The following IFT80 variants were observed in gnomAD, a reference collection of about 807,000 sequenced individuals.
IFT80 encodes the protein intraflagellar transport protein 80 homolog.
Under a neutral mutation model 107.9 loss-of-function variants are expected in IFT80, and 79 were observed. That is an observed-to-expected ratio of 0.73 (90% CI 0.61 to 0.88). IFT80 has a LOEUF of 0.88. Ranked by LOEUF, IFT80 falls within the 40% of genes least tolerant of loss-of-function variation. The pLI is 0.00. For missense variants in IFT80, 797 were observed against 914.2 expected (o/e 0.87, Z 1.65); for synonymous variants, 299 against 300.9 (o/e 0.99, Z 0.07).
At chr3:160,331,033 A>G (rs1719050941) in intron 8 of IFT80, among the ~76,000 whole-genome samples, 1 of 152,146 alleles carries the variant, frequency 6.6e-6, no homozygotes, top group Admixed American at 6.5e-5. Flanking sequence ...CATTTTTACC[A>G]TAGATGTTAG....
intron 19 of IFT80, among the ~76,000 whole-genome samples, chr3:160,264,282 T>A (rs1222634250): frequency 6.7e-6 from 1 of 149,644 alleles, no homozygotes; most frequent in Non-Finnish European, 1.5e-5. Flanking sequence ...GTTACTTTTT[T>A]TTTTTGGTAG....
intron 8 of IFT80, among the ~76,000 whole-genome samples, chr3:160,354,856 C>G (rs1021304774): frequency 1.3e-5 from 2 of 152,028 alleles, no homozygotes; most frequent in African/African-American, 2.4e-5. Flanking sequence ...TTTTATGGCA[C>G]CAGGTTTCAA....
At chr3:160,328,406 G>T (rs1377264975) in intron 8 of IFT80, among the ~76,000 whole-genome samples, 1 of 142,296 alleles carries the variant, frequency 7.0e-6, no homozygotes, top group Admixed American at 7.3e-5. Context: ...AGGTTGCAGT[G>T]AGCAGAGATC....
chr3:160,302,009 G>A (rs1324199976), intron 11 of IFT80, among the ~76,000 whole-genome samples: 1 of 151,954 alleles, frequency 6.6e-6, no homozygotes, highest in African/African-American at 2.4e-5. Flanking sequence ...CTGGATTAAA[G>A]ACCATACATT....
intron 12 of IFT80, among the ~76,000 whole-genome samples, chr3:160,295,647 T>C (rs756317333): frequency 2.0e-5 from 3 of 151,818 alleles, no homozygotes; most frequent in Non-Finnish European, 4.4e-5. Flanking sequence ...CACATCTGAG[T>C]GTTTATCTGA....
At chr3:160,386,996 G>C (rs934379310) in intron 1 of IFT80, among the ~76,000 whole-genome samples, 1 of 152,138 alleles carries the variant, frequency 6.6e-6, no homozygotes, top group Non-Finnish European at 1.5e-5. Context: ...TTAAATGGAT[G>C]CAATGGATGG....
rs185643669 is a variant in IFT80 at position 160,298,578 on chromosome 3, T to C, written c.1315+2305A>G. 6.4e-3 allele frequency among the ~76,000 whole-genome samples: 970 copies of C among 151,582 alleles called. 25 individuals are homozygous for C. The highest frequency in any genetic ancestry group is 0.046 in the Admixed American group (702 of 15,284). ...TAATGAAATATGTTCCAGATGTGAATTAACTCCAGAAAATTTCAGAAAATT... is the reference window on the plus strand; with the variant it reads ...TAATGAAATATGTTCCAGATGTGAACTAACTCCAGAAAATTTCAGAAAATT... On this transcript the variant is annotated intron_variant, in intron 12 of 19. Transcript: ENST00000326448.
At position 160,283,869 on chromosome 3, in the gene IFT80, T is replaced by C. The variant is rs146871309; in HGVS notation, c.1381-1256A>G. 2.3e-3 allele frequency among the ~76,000 whole-genome samples: 351 copies of C among 152,306 alleles called. 3 individuals are homozygous for C. Among genetic ancestry groups the C allele is most frequent in the African/African-American group, 7.8e-3 (324 of 41,584 alleles). On this transcript the variant is annotated intron_variant, in intron 13 of 19. Transcript: ENST00000326448. ...CTTGTCAAGTCCTACCACCTCCACA[T>C]AGGTTCTATTCCTCCTGGGTTACTC...
chr3:160,281,847 G>C (rs893837163), intron 14 of IFT80, among the ~76,000 whole-genome samples: 1 of 152,156 alleles, frequency 6.6e-6, no homozygotes, highest in Non-Finnish European at 1.5e-5. Flanking sequence ...AAGAATTAGG[G>C]CAGAAGGGTT....
chr3:160,268,638 T>C, intron 18 of IFT80, 102 bp from the exon 19 acceptor site: 1 of 1,100,346 alleles, frequency 9.1e-7, no homozygotes, highest in Non-Finnish European at 1.4e-6. Context: ...CTTCCCTCTG[T>C]TTATTCCACA....
At chr3:160,347,735 T>C (rs1487836807) in intron 8 of IFT80, among the ~76,000 whole-genome samples, 1 of 152,196 alleles carries the variant, frequency 6.6e-6, no homozygotes, top group Non-Finnish European at 1.5e-5. Flanking sequence ...ACATGATCCT[T>C]CTTCTCCATT....
intron 7 of IFT80, among the ~76,000 whole-genome samples, chr3:160,356,634 C>CT (rs1158807255): frequency 1.3e-5 from 2 of 152,156 alleles, no homozygotes; most frequent in African/African-American, 4.8e-5. Flanking sequence ...GATCTTCCTG[C>CT]TTTAGCCTTC....
intron 5 of IFT80, among the ~76,000 whole-genome samples, chr3:160,371,698 C>T (rs1711541544): frequency 6.6e-6 from 1 of 152,140 alleles, no homozygotes; most frequent in Non-Finnish European, 1.5e-5. Context: ...CCACTTCAGC[C>T]TCTCAAGTGT....
At chr3:160,276,809 C>T (rs1714302243) in intron 18 of IFT80, among the ~76,000 whole-genome samples, 1 of 152,206 alleles carries the variant, frequency 6.6e-6, no homozygotes, top group Non-Finnish European at 1.5e-5. Flanking sequence ...TTTCATCCAT[C>T]TCATAATGTA....
chr3:160,299,030 TC>T lies in IFT80; in HGVS notation c.1315+1852del, dbSNP rs1021072810. 9.9e-5 allele frequency: 69 copies of T among 699,512 alleles called. No individual in the cohort carries two copies. The African/African-American group carries it at 1.3e-3, about 13-fold the overall frequency. 43.3% of individuals were successfully genotyped at this position (699,512 alleles called of 1,614,324 possible). A position where few individuals can be genotyped will look rare whatever the true frequency, so the allele number is the denominator to read the frequency against. ...TGACTGTACTTTATTAAAGCTTTTA[TC>T]TAAAATATGTGGTGTTGAATAAGGA... On this transcript the variant is annotated intron_variant, in intron 12 of 19. Coordinates refer to ENST00000326448, the MANE Select transcript of IFT80 (RefSeq NM_020800.3).
intron 18 of IFT80, among the ~76,000 whole-genome samples, chr3:160,275,765 A>C (rs1714214772): frequency 6.6e-6 from 1 of 152,144 alleles, no homozygotes; most frequent in Admixed American, 6.5e-5. Flanking sequence ...ATTCTTCCCC[A>C]TTTCTCTATT....
intron 8 of IFT80, among the ~76,000 whole-genome samples, chr3:160,348,554 G>A (rs549596598): frequency 3.3e-5 from 5 of 152,246 alleles, no homozygotes; most frequent in South Asian, 2.1e-4. Flanking sequence ...TAAACATAGG[G>A]TTACACTTGT....
chr3:160,309,818 T>G (rs905834642), intron 9 of IFT80, among the ~76,000 whole-genome samples: 9 of 152,146 alleles, frequency 5.9e-5, no homozygotes, highest in African/African-American at 2.2e-4. Flanking sequence ...CAGTATTCAG[T>G]AACATATTAT....
chr3:160,315,245 A>G (rs1003006530), intron 9 of IFT80, among the ~76,000 whole-genome samples: 32 of 152,230 alleles, frequency 2.1e-4, no homozygotes, highest in African/African-American at 7.5e-4. Context: ...GAATTTTTAC[A>G]TAAGATAAAC....
Sources: gnomAD v4.1 joint callset for allele counts (sites outside exome capture counted in the v4.1 genomes callset) on GRCh38, gnomAD v4.1.1 for gene constraint, MANE v1.5 for transcripts, NCBI Gene and HGNC (gene_info 2026-07-23, HGNC 2026-07-21) for gene names.